The following KIF3B variants were observed in gnomAD, a reference collection of about 807,000 sequenced individuals.
KIF3B encodes kinesin family member 3B.
KIF3B carries 38 observed loss-of-function variants against 74.3 expected under a neutral mutation model. The ratio of observed to expected loss-of-function variants is 0.51; its 90% CI spans 0.39 to 0.67. KIF3B has a LOEUF of 0.67. KIF3B is among the 30% of genes least tolerant of loss of function. KIF3B has a pLI of 0.00. For synonymous variants in KIF3B, 326 were observed against 342.5 expected (o/e 0.95, Z 0.53); for missense variants, 649 against 932.0 (o/e 0.70, Z 3.95).
chr20:32,280,023 G>T (rs1257053093), intron 1 of KIF3B, among the ~76,000 whole-genome samples: 5 of 152,122 alleles, frequency 3.3e-5, no homozygotes, highest in Non-Finnish European at 7.4e-5. Flanking sequence ...TTTGGTAAGG[G>T]GCTCTGTGAG....
chr20:32,298,961 C>T (rs1225310837), intron 1 of KIF3B, among the ~76,000 whole-genome samples: 4 of 152,116 alleles, frequency 2.6e-5, no homozygotes, highest in Non-Finnish European at 5.9e-5. Context: ...CTGCACCCAT[C>T]CTATCCCACT....
intron 5 of KIF3B, among the ~76,000 whole-genome samples, chr20:32,318,092 A>T (rs888105601): frequency 3.3e-5 from 5 of 152,292 alleles, no homozygotes; most frequent in South Asian, 2.1e-4. Flanking sequence ...ACCTGAGGCC[A>T]GGAGTTCAAG....
At chr20:32,320,190 CGGCTGA>C (rs2047852787) in intron 5 of KIF3B, among the ~76,000 whole-genome samples, 1 of 152,224 alleles carries the variant, frequency 6.6e-6, no homozygotes, top group African/African-American at 2.4e-5. Flanking sequence ...CCACTGTGCC[CGGCTGA>C]GTTTTAAGAG....
rs1369815383 is a variant in KIF3B at position 32,322,557 on chromosome 20, G to A, written c.1749-4214G>A. 4.9e-5 allele frequency among the ~76,000 whole-genome samples: 7 copies of A among 142,048 alleles called. No individual in the cohort carries two copies. The East Asian group carries it at 6.1e-4, about 12-fold the overall frequency. 93.2% of individuals were successfully genotyped at this position (142,048 alleles called of 152,430 possible). ...CTGGAGGCGGAGGTTGCAGTGAGCC[G>A]AGATTGCGCCATTGCACTCCAGCCT... On this transcript the variant is annotated intron_variant, in intron 5 of 8. Transcript: ENST00000375712.
chr20:32,287,872 C>CTTTTTTTTTT (rs10699896), intron 1 of KIF3B, among the ~76,000 whole-genome samples: 2 of 47,494 alleles, frequency 4.2e-5, no homozygotes, highest in Admixed American at 2.9e-4. Context: ...CTAAAAGTAT[C>CTTTTTTTTTT]TTTTTTTTTT....
rs752131183 is a variant in KIF3B at position 32,310,959 on chromosome 20, A to AGAGGAG, written c.1193_1198dup (p.Glu398_Glu399dup). On this transcript the variant is annotated inframe_insertion, in exon 2 of 9. Transcript: ENST00000375712. The surrounding 1 kb of genome is among the most constrained non-coding windows in gnomAD (Gnocchi z 6.5). ...GTGGTGGCAGTGGTGGGGGTGGGGA[A>AGAGGAG]GAGGAGGAGGAGGAGGGAGAAGAGG... is the stretch of plus-strand genomic sequence containing the variant. 6.4e-7 allele frequency: 1 copy of AGAGGAG among 1,571,290 alleles called. No individual in the cohort carries two copies.
At chr20:32,278,033 G>A (rs2047624865) in intron 1 of KIF3B, among the ~76,000 whole-genome samples, 1 of 152,134 alleles carries the variant, frequency 6.6e-6, no homozygotes. Context: ...GCCCCAGTTT[G>A]GGAGGAGGGC....
chr20:32,321,137 T>C (rs150997379), intron 5 of KIF3B, among the ~76,000 whole-genome samples: 10 of 152,228 alleles, frequency 6.6e-5, no homozygotes, highest in African/African-American at 1.4e-4. Context: ...GGCATACTTA[T>C]TGAAAGTCAG....
intron 1 of KIF3B, among the ~76,000 whole-genome samples, chr20:32,299,379 GTA>G (rs1555895040): frequency 0.43 from 9,984 of 23,080 alleles, 2,558 homozygotes; most frequent in South Asian, 0.6. Flanking sequence ...TGGTGTGTGT[GTA>G]TATATATATA....
intron 1 of KIF3B, among the ~76,000 whole-genome samples, chr20:32,281,986 A>T (rs553842324): frequency 6.6e-6 from 1 of 152,322 alleles, no homozygotes; most frequent in South Asian, 2.1e-4. Context: ...CGCTCAGATC[A>T]TACAGGACCT....
chr20:32,297,845 C>T (rs1199115524), intron 1 of KIF3B, among the ~76,000 whole-genome samples: 1 of 151,894 alleles, frequency 6.6e-6, no homozygotes, highest in African/African-American at 2.4e-5. Context: ...CTGTGGCTCA[C>T]GCCTATAATC....
chr20:32,300,539 A>C (rs1299457633), intron 1 of KIF3B, among the ~76,000 whole-genome samples: 1 of 152,108 alleles, frequency 6.6e-6, no homozygotes, highest in South Asian at 2.1e-4. Flanking sequence ...TCGGCCTCCC[A>C]AAGTGCTGGG....
In KIF3B at chr20:32,284,282, C is replaced by T. The variant is rs139574118; in HGVS notation, c.-66+6517C>T. 1.4e-3 allele frequency among the ~76,000 whole-genome samples: 218 copies of T among 152,278 alleles called. 1 individual carries two copies. The highest frequency in any genetic ancestry group is 5.0e-3 in the African/African-American group (209 of 41,552). On this transcript the variant is annotated intron_variant, in intron 1 of 8. Transcript: ENST00000375712. The stretch of plus-strand genomic sequence containing the variant: ...ACTTTGCAGTTTAGAACGCTCTTTC[C>T]TGTGCATTCTCATTTACTAATTGTC...
At chr20:32,301,765 G>A (rs551463682) in intron 1 of KIF3B, among the ~76,000 whole-genome samples, 1 of 152,270 alleles carries the variant, frequency 6.6e-6, no homozygotes, top group Admixed American at 6.5e-5. Context: ...CTTTCCATAG[G>A]AAGCCAATAG....
chr20:32,286,106 C>A (rs1389181977), intron 1 of KIF3B, among the ~76,000 whole-genome samples: 9 of 152,178 alleles, frequency 5.9e-5, no homozygotes, highest in Non-Finnish European at 1.3e-4. Flanking sequence ...GCAGCACTTG[C>A]ATTTTGTCAT....
At chr20:32,281,353 G>A (rs1002208989) in intron 1 of KIF3B, among the ~76,000 whole-genome samples, 3 of 152,084 alleles carry the variant, frequency 2.0e-5, no homozygotes, top group Non-Finnish European at 4.4e-5. Flanking sequence ...TATCCTGCCC[G>A]GATTGTATTT....
intron 1 of KIF3B, among the ~76,000 whole-genome samples, chr20:32,284,978 T>C (rs547497436): frequency 4.3e-4 from 66 of 152,232 alleles, no homozygotes; most frequent in Non-Finnish European, 8.2e-4. Flanking sequence ...CCAAGTCTAT[T>C]GCTCTTTCTA....
rs761832012 is a variant in KIF3B, at chr20:32,316,529, A to G, written c.1509A>G (p.Lys503=). Residue 503 remains lysine, a splice_region_variant and synonymous_variant, in exon 4 of 9, where the codon AAA becomes AAG. Coordinates refer to ENST00000375712, the MANE Select transcript of KIF3B (RefSeq NM_004798.4). ...ATGAATTTTGTCATGTTGCTCAGAA[A>G]CGTCGAGAAAGAGAAATCCAGCAAC... is the stretch of plus-strand genomic sequence containing the variant. ...EQKRQEIAEQ[K]RREREIQQQM... 4 of 1,613,886 alleles carry G rather than the reference A, an allele frequency of 2.5e-6. No individual in the cohort carries two copies. The highest frequency in any genetic ancestry group is 3.4e-6 in the Non-Finnish European group (4 of 1,179,966).
Position 32,333,045 on chromosome 20 carries a change from C to G in KIF3B, c.*1726C>G, listed in dbSNP as rs908536765. The G allele has an allele frequency of 6.6e-6, 1 of 152,632 alleles. No homozygotes were observed. Among genetic ancestry groups the G allele is most frequent in the Non-Finnish European group, 1.5e-5 (1 of 68,044 alleles). The allele number at this position is 152,632 out of a possible 1,614,324, so 9.5% of individuals were successfully genotyped here. On this transcript the variant is annotated 3_prime_UTR_variant, in exon 9 of 9. Coordinates refer to ENST00000375712, the MANE Select transcript of KIF3B (RefSeq NM_004798.4). ...AAACAGGAGGTACTAAGTGCAATGT[C>G]TTAGCATTCTGCAAAATGGAGATCT...
Sources: allele counts gnomAD v4.1 joint callset (sites outside exome capture counted in the v4.1 genomes callset), GRCh38; gene constraint gnomAD v4.1.1; non-coding constraint Gnocchi (gnomAD v3.1); transcripts MANE v1.5; gene names NCBI Gene and HGNC (gene_info 2026-07-23, HGNC 2026-07-21).